The following SIL1 variants were observed in gnomAD, a reference collection of about 807,000 sequenced individuals.
The protein encoded by SIL1 is SIL1 nucleotide exchange factor.
A neutral mutation model predicts 49.1 loss-of-function variants in SIL1; 40 were observed. The ratio of observed to expected loss-of-function variants is 0.81; its 90% confidence interval spans 0.63 to 1.06. SIL1 has a LOEUF of 1.06. SIL1 is among the 50% of genes least tolerant of loss of function. The probability of loss-of-function intolerance (pLI) is 0.00; values close to 1 mark genes in which losing one functional copy is unlikely to be tolerated. For synonymous variants in SIL1, 253 were observed against 250.8 expected, an observed-to-expected ratio of 1.01 and a Z score of -0.08; for missense variants, 500 against 572.6, an observed-to-expected ratio of 0.87 and a Z score of 1.29.
intron 4 of SIL1, among the ~76,000 whole-genome samples, chr5:139,044,853 T>C (rs1769118929): frequency 6.6e-6 from 1 of 152,232 alleles, no homozygotes; most frequent in African/African-American, 2.4e-5. Context: ...AGTAACACTT[T>C]ATGAACACAT....
At chr5:138,968,481 T>C (rs527470529) in intron 7 of SIL1, among the ~76,000 whole-genome samples, 1 of 152,272 alleles carries the variant, frequency 6.6e-6, no homozygotes, top group African/African-American at 2.4e-5. Context: ...GCCCTGCCCC[T>C]GCCCGTCCCC....
intron 1 of SIL1, among the ~76,000 whole-genome samples, chr5:139,169,890 C>T (rs562948195): frequency 7.5e-4 from 63 of 84,246 alleles, no homozygotes; most frequent in Middle Eastern, 8.1e-3. Flanking sequence ...CTCTCCCTCT[C>T]TCTCCACAGT....
chr5:139,134,233 T>G (rs888120190), intron 1 of SIL1, among the ~76,000 whole-genome samples: 1 of 152,220 alleles, frequency 6.6e-6, no homozygotes, highest in African/African-American at 2.4e-5. Context: ...TCCTCCCATC[T>G]CAGCCTCCTG....
chr5:139,015,633 A>T (rs1382930197), intron 7 of SIL1, among the ~76,000 whole-genome samples: 4 of 152,142 alleles, frequency 2.6e-5, no homozygotes, highest in African/African-American at 4.8e-5. Flanking sequence ...CTGGTCCAAG[A>T]TAGCTGCTGC....
intron 1 of SIL1, among the ~76,000 whole-genome samples, chr5:139,191,221 CAAAAAAAA>C (rs773259762): frequency 1.5e-5 from 1 of 67,898 alleles, no homozygotes; most frequent in African/African-American, 6.2e-5. Flanking sequence ...GACTCTGTCT[CAAAAAAAA>C]AAAAAAAAAA....
intron 7 of SIL1, among the ~76,000 whole-genome samples, chr5:138,984,816 G>C (rs978810324): frequency 1.3e-5 from 2 of 152,258 alleles, no homozygotes; most frequent in South Asian, 4.1e-4. Flanking sequence ...TGTGGGCAAA[G>C]GGTCCAGCTG....
intron 3 of SIL1, among the ~76,000 whole-genome samples, chr5:139,058,837 CTTTTTCTTTCT>C (rs1769517753): frequency 6.6e-6 from 1 of 151,692 alleles, no homozygotes; most frequent in Non-Finnish European, 1.5e-5. Flanking sequence ...AGTTTTTTTT[CTTTTTCTTTCT>C]TTTTTCTTTT....
At chr5:139,088,054 C>T (rs969246577) in intron 3 of SIL1, among the ~76,000 whole-genome samples, 3 of 152,220 alleles carry the variant, frequency 2.0e-5, no homozygotes, top group Non-Finnish European at 2.9e-5. Flanking sequence ...CAGGTTCTAT[C>T]CTTTGCCCTC....
intron 7 of SIL1, among the ~76,000 whole-genome samples, chr5:138,973,716 C>T (rs10064201): frequency 0.32 from 48,545 of 151,822 alleles, 7,933 homozygotes; most frequent in Middle Eastern, 0.43. Flanking sequence ...AATGCTGGGA[C>T]TACAAGTGTG....
rs1769076923 is a variant in SIL1, at chr5:139,042,863, G to A, written c.354-144C>T. On this transcript the variant is annotated intron_variant, in intron 4 of 9. Transcript: ENST00000394817. ...AAAATTTAAAAATATTAGTTAGGAT[G>A]TGATGGTATGTGCCTGTGGTCCCAG... The A allele has an allele frequency of 3.2e-5, 24 of 742,206 alleles. No individual in the cohort carries two copies. In the South Asian group the frequency reaches 3.7e-4, roughly 11 times the overall value. The allele number at this position is 742,206 out of a possible 1,614,324, so 46.0% of individuals were successfully genotyped here.
At chr5:139,187,884 G>C (rs1174859154) in intron 1 of SIL1, 1 of 152,206 alleles carries the variant, frequency 6.6e-6, no homozygotes, top group African/African-American at 2.4e-5. Context: ...TTTCCCCCTT[G>C]CTGTTTTCAC....
intron 7 of SIL1, among the ~76,000 whole-genome samples, chr5:138,962,806 T>C (rs1767050405): frequency 6.6e-6 from 1 of 152,154 alleles, no homozygotes; most frequent in Admixed American, 6.5e-5. Context: ...GGGAGAAATG[T>C]AATTAACAAG....
intron 7 of SIL1, among the ~76,000 whole-genome samples, chr5:139,006,235 G>A (rs2150415420): frequency 2.5e-4 from 1 of 3,942 alleles, no homozygotes; most frequent in Admixed American, 2.0e-3. Flanking sequence ...GTGTTTTTTG[G>A]CTGCATAAAT....
intron 3 of SIL1, among the ~76,000 whole-genome samples, chr5:139,057,949 T>G (rs1769492417): frequency 6.6e-6 from 1 of 152,160 alleles, no homozygotes; most frequent in Non-Finnish European, 1.5e-5. Context: ...GGCGTGGAAC[T>G]CTCATGACCT....
At chr5:139,162,546 A>T (rs894788445) in intron 1 of SIL1, among the ~76,000 whole-genome samples, 1 of 152,220 alleles carries the variant, frequency 6.6e-6, no homozygotes. Flanking sequence ...TGTTCCAATT[A>T]ATGGGAGTGG....
Position 138,947,385 on chromosome 5 carries a change from A to G in SIL1, c.1118T>C (p.Leu373Pro). Residue 373 changes from leucine to proline, a missense_variant, in exon 10 of 10, where the codon CTG becomes CCG. Transcript: ENST00000394817. The surrounding 1 kb of genome is among the most constrained non-coding windows in gnomAD (Gnocchi z 4.1). ...GATCTCGCACCAGCCCTGTTCCCAC[A>G]GGCCTGGCAGGAGGTGTACCTGGCG... ...QYRQVHLLPG[L>P]WEQGWCEITA... 1 of 1,613,684 alleles carries G rather than the reference A, an allele frequency of 6.2e-7. No individual in the cohort carries two copies. Among genetic ancestry groups the G allele is most frequent in the East Asian group, 2.2e-5 (1 of 44,878 alleles).
intron 1 of SIL1, among the ~76,000 whole-genome samples, chr5:139,146,907 C>T (rs1751206556): frequency 6.6e-6 from 1 of 152,156 alleles, no homozygotes; most frequent in South Asian, 2.1e-4. Context: ...TCTCCATGTA[C>T]TCCCATAATT....
chr5:139,097,212 C>T (rs893410097), intron 3 of SIL1, among the ~76,000 whole-genome samples: 12 of 151,962 alleles, frequency 7.9e-5, no homozygotes, highest in African/African-American at 2.9e-4. Context: ...GTCCCTGACT[C>T]CCAGGCGGCA....
At chr5:139,051,267 TG>T (rs1769278366) in intron 3 of SIL1, 19 of 573,872 alleles carry the variant, frequency 3.3e-5, no homozygotes, top group South Asian at 2.5e-4. Context: ...TGACGTAAGA[TG>T]GGCAAGAGGA....
Sources: allele counts gnomAD v4.1 joint callset (sites outside exome capture counted in the v4.1 genomes callset), GRCh38; gene constraint gnomAD v4.1.1; non-coding constraint Gnocchi (gnomAD v3.1); transcripts MANE v1.5; gene names NCBI Gene and HGNC (gene_info 2026-07-23, HGNC 2026-07-21).